WIF1: variants seen among roughly 807,000 people sequenced by gnomAD.
The protein encoded by WIF1 is Wnt inhibitory factor 1.
Under a neutral mutation model 53.5 loss-of-function variants are expected in WIF1, and 35 were observed. The observed-to-expected ratio is 0.65, with a 90% confidence interval of 0.50 to 0.87. The LOEUF is 0.87. Ranked by LOEUF, WIF1 falls within the 40% of genes least tolerant of loss-of-function variation. WIF1 has a pLI of 0.00. For missense variants in WIF1, 467 were observed against 476.8 expected (o/e 0.98, Z 0.19); for synonymous variants, 171 against 170.4 (o/e 1.00, Z -0.03).
chr12:65,058,351 G>A (rs1042787918), intron 7 of WIF1, among the ~76,000 whole-genome samples: 10 of 152,130 alleles, frequency 6.6e-5, no homozygotes, highest in Admixed American at 1.3e-4. Flanking sequence ...TGGTGAGCCC[G>A]AATTTTCTCC....
rs1882506294 is a variant in WIF1 at position 65,055,280 on chromosome 12, C to T, written c.923-67G>A. On this transcript the variant is annotated intron_variant, in intron 8 of 9. Coordinates refer to ENST00000286574, the MANE Select transcript of WIF1 (RefSeq NM_007191.5). Reference sequence around the variant, plus strand: ...CTTTTTCAACAGAATTACATAGTTGCTTTCCTTGCAATTCTTTAGAATGTG... The same window carrying T: ...CTTTTTCAACAGAATTACATAGTTGTTTTCCTTGCAATTCTTTAGAATGTG... The T allele has an allele frequency of 1.1e-5, 17 of 1,533,684 alleles. No homozygotes were observed. The South Asian group carries it at 1.4e-4, about 12-fold the overall frequency.
At chr12:65,110,692 A>G (rs1467099675) in intron 2 of WIF1, among the ~76,000 whole-genome samples, 3 of 152,224 alleles carry the variant, frequency 2.0e-5, no homozygotes, top group Admixed American at 6.5e-5. Flanking sequence ...TCATTCAACA[A>G]ATAATTTTCA....
intron 2 of WIF1, among the ~76,000 whole-genome samples, chr12:65,112,636 G>C (rs1883451304): frequency 6.6e-6 from 1 of 152,118 alleles, no homozygotes; most frequent in Non-Finnish European, 1.5e-5. Context: ...TCCCTGAGTT[G>C]TTTCTATCTT....
At chr12:65,087,382 C>A (rs1010320548) in intron 2 of WIF1, among the ~76,000 whole-genome samples, 3 of 152,110 alleles carry the variant, frequency 2.0e-5, no homozygotes, top group African/African-American at 7.2e-5. Flanking sequence ...TGTTCCATTT[C>A]TTTCACAGTT....
At chr12:65,100,342 C>T (rs2136635216) in intron 2 of WIF1, among the ~76,000 whole-genome samples, 1 of 152,248 alleles carries the variant, frequency 6.6e-6, no homozygotes, top group East Asian at 1.9e-4. Flanking sequence ...ACTGATCCCC[C>T]ACTGCCCCCT....
intron 2 of WIF1, among the ~76,000 whole-genome samples, chr12:65,102,861 C>T (rs571126823): frequency 6.6e-6 from 1 of 152,244 alleles, no homozygotes; most frequent in Non-Finnish European, 1.5e-5. Context: ...GGGTGGACAA[C>T]TATCTATAAC....
chr12:65,105,084 GA>G (rs1236653778), intron 2 of WIF1, among the ~76,000 whole-genome samples: 2 of 152,134 alleles, frequency 1.3e-5, no homozygotes, highest in Non-Finnish European at 2.9e-5. Flanking sequence ...GACAAGGAGA[GA>G]ACCAAGACCA....
intron 2 of WIF1, chr12:65,083,737 T>C: frequency 3.0e-6 from 1 of 337,192 alleles, no homozygotes; most frequent in East Asian, 9.9e-5. Flanking sequence ...TTGATTTCTC[T>C]TTTCTTTTCT....
At chr12:65,091,685 T>C in intron 2 of WIF1, among the ~76,000 whole-genome samples, 1 of 152,158 alleles carries the variant, frequency 6.6e-6, no homozygotes. Flanking sequence ...ACCCCAGGAA[T>C]CCATTTCAAT....
chr12:65,077,986 A>G, intron 2 of WIF1, 132 bp from the exon 3 acceptor site: 1 of 678,866 alleles, frequency 1.5e-6, no homozygotes, highest in East Asian at 2.7e-5. Flanking sequence ...AGCATCCAAG[A>G]TACTGGGTAG....
At chr12:65,093,021 A>C (rs946753650) in intron 2 of WIF1, among the ~76,000 whole-genome samples, 8 of 152,170 alleles carry the variant, frequency 5.3e-5, no homozygotes, top group African/African-American at 1.9e-4. Flanking sequence ...AAGGGAAAGG[A>C]GAATATTAAC....
At chr12:65,079,198 A>G (rs1882911407) in intron 2 of WIF1, among the ~76,000 whole-genome samples, 1 of 149,300 alleles carries the variant, frequency 6.7e-6, no homozygotes, top group African/African-American at 2.5e-5. Context: ...AAAGAGAGGC[A>G]TTACTAGAGA....
intron 2 of WIF1, among the ~76,000 whole-genome samples, chr12:65,105,422 G>C (rs1883338444): frequency 6.6e-6 from 1 of 152,178 alleles, no homozygotes; most frequent in Admixed American, 6.5e-5. Flanking sequence ...TGCTGTAACA[G>C]AATAGGCTGG....
intron 2 of WIF1, among the ~76,000 whole-genome samples, chr12:65,105,664 C>T (rs1050630246): frequency 1.3e-5 from 2 of 152,090 alleles, no homozygotes; most frequent in Non-Finnish European, 2.9e-5. Context: ...TCTAAGAACC[C>T]ACTTTCATGG....
At chr12:65,112,573 C>G (rs898240830) in intron 2 of WIF1, among the ~76,000 whole-genome samples, 1 of 152,094 alleles carries the variant, frequency 6.6e-6, no homozygotes, top group African/African-American at 2.4e-5. Flanking sequence ...TTACTCAATA[C>G]AAATTTGCAA....
chr12:65,057,837 T>G (rs1037207657), intron 7 of WIF1, among the ~76,000 whole-genome samples: 3 of 152,212 alleles, frequency 2.0e-5, no homozygotes, highest in Non-Finnish European at 4.4e-5. Context: ...AAATTCTTTA[T>G]GAAAATCATT....
chr12:65,117,810 C>A (rs1883535352), intron 2 of WIF1, among the ~76,000 whole-genome samples: 2 of 152,148 alleles, frequency 1.3e-5, no homozygotes, highest in African/African-American at 4.8e-5. Flanking sequence ...AGGGTTCACA[C>A]TCCTATGAGA....
At position 65,068,799 on chromosome 12, in the gene WIF1, G is replaced by T. The variant is rs777544378; in HGVS notation, c.503C>A (p.Pro168His). ...NSEGNTILQT[P>H]QNAIFFKTCQ... ...TGTTTTAAAGAAGATAGCATTTTGAGGTGTTTGGAGAATGGTGTTGCCTTC... is the reference window on the plus strand; with the variant it reads ...TGTTTTAAAGAAGATAGCATTTTGATGTGTTTGGAGAATGGTGTTGCCTTC... Residue 168 changes from proline to histidine, a missense_variant, in exon 4 of 10, where the codon CCT (proline) becomes CAT (histidine). By Grantham distance (77) the Pro-to-His change is moderately conservative. Transcript: ENST00000286574. The T allele has an allele frequency of 1.2e-5, 19 of 1,613,490 alleles. No homozygotes were observed. Among genetic ancestry groups the T allele is most frequent in the Non-Finnish European group, 2.5e-6 (3 of 1,179,704 alleles).
chr12:65,058,802 C>A (rs1050939905), intron 7 of WIF1, among the ~76,000 whole-genome samples: 1 of 152,110 alleles, frequency 6.6e-6, no homozygotes, highest in Admixed American at 6.5e-5. Context: ...GTAATCCCAG[C>A]ACTTTGGAAG....
Sources: allele counts gnomAD v4.1 joint callset (sites outside exome capture counted in the v4.1 genomes callset), GRCh38; gene constraint gnomAD v4.1.1; transcripts MANE v1.5; gene names NCBI Gene and HGNC (gene_info 2026-07-23, HGNC 2026-07-21).